Variants in ZFHX4 observed in about 807,000 individuals in gnomAD.
ZFHX4 encodes zinc finger homeobox protein 4.
In ZFHX4, 56 loss-of-function variants were observed where a neutral mutation model predicts 267.6. The ratio of observed to expected loss-of-function variants is 0.21; its 90% CI spans 0.17 to 0.26. The LOEUF is 0.26. Ranked by LOEUF, ZFHX4 falls within the 10% of genes least tolerant of loss-of-function variation. ZFHX4 has a pLI of 1.00. For synonymous variants in ZFHX4, 1,778 were observed against 1,665.6 expected (o/e 1.07, Z -1.64); for missense variants, 4,332 against 4,420.0 (o/e 0.98, Z 0.56).
Position 76,867,056 on chromosome 8 carries a change from A to G in ZFHX4, c.*2491A>G, listed in dbSNP as rs971442181. 1.3e-5 allele frequency: 2 copies of G among 152,650 alleles called. No individual in the cohort carries two copies. Among genetic ancestry groups the G allele is most frequent in the African/African-American group, 2.4e-5 (1 of 41,466 alleles). The allele number at this position is 152,650 out of a possible 1,614,324, so 9.5% of individuals were successfully genotyped here. A position where few individuals can be genotyped will look rare whatever the true frequency, so the allele number is the denominator to read the frequency against. On this transcript the variant is annotated 3_prime_UTR_variant, in exon 11 of 11. Transcript: ENST00000651372. ...AAAATGTTATTGATGTTTTATATATAGAGAGTAGTCTCATTAGTTTTTGTT... is the reference window on the plus strand; with the variant it reads ...AAAATGTTATTGATGTTTTATATATGGAGAGTAGTCTCATTAGTTTTTGTT...
At chr8:76,783,770 T>C (rs1452648821) in intron 4 of ZFHX4, among the ~76,000 whole-genome samples, 1 of 152,034 alleles carries the variant, frequency 6.6e-6, no homozygotes, top group Non-Finnish European at 1.5e-5. Context: ...TAAAACAAAG[T>C]AAATAATGAC....
At chr8:76,697,898 T>TAGC (rs1808000192) in intron 1 of ZFHX4, among the ~76,000 whole-genome samples, 1 of 152,038 alleles carries the variant, frequency 6.6e-6, no homozygotes, top group Non-Finnish European at 1.5e-5. Context: ...TGCTGAAGTA[T>TAGC]GGCTGGGTCA....
intron 3 of ZFHX4, among the ~76,000 whole-genome samples, chr8:76,747,965 CAAAA>C (rs1440901781): frequency 3.4e-5 from 5 of 145,404 alleles, no homozygotes; most frequent in Non-Finnish European, 6.0e-5. Flanking sequence ...AACAAACAAA[CAAAA>C]ATGAATAAAA....
At chr8:76,703,130 C>CA (rs1239254809) in intron 1 of ZFHX4, among the ~76,000 whole-genome samples, 2 of 151,828 alleles carry the variant, frequency 1.3e-5, no homozygotes, top group Admixed American at 6.6e-5. Flanking sequence ...CGCCTGCTTG[C>CA]AAAAAAACTT....
chr8:76,845,112 T>C (rs575951968), intron 6 of ZFHX4, among the ~76,000 whole-genome samples: 1 of 152,236 alleles, frequency 6.6e-6, no homozygotes, highest in African/African-American at 2.4e-5. Context: ...TTAACATATG[T>C]TAGGAAGGCT....
At chr8:76,850,451 A>G (rs759733093) in intron 9 of ZFHX4, 89 bp downstream of exon 9, 206 of 1,103,704 alleles carry the variant, frequency 1.9e-4, no homozygotes, top group Middle Eastern at 4.7e-4. Context: ...CTATCAAAAG[A>G]TTTTCGTAAA....
At chr8:76,848,760 G>C (rs1487832432) in intron 6 of ZFHX4, among the ~76,000 whole-genome samples, 1 of 152,148 alleles carries the variant, frequency 6.6e-6, no homozygotes, top group East Asian at 1.9e-4. Flanking sequence ...AGGCCACCTA[G>C]GGTTATCTAA....
chr8:76,865,883 G>A lies in ZFHX4; in HGVS notation c.*1318G>A, dbSNP rs16939381. ...TTACATACTTTTTTTAACCTGTTTTGTTTTATCATATATGCATTAAAAGTA... is the reference window on the plus strand; with the variant it reads ...TTACATACTTTTTTTAACCTGTTTTATTTTATCATATATGCATTAAAAGTA... On this transcript the variant is annotated 3_prime_UTR_variant, in exon 11 of 11. Coordinates refer to ENST00000651372, the MANE Select transcript of ZFHX4 (RefSeq NM_024721.5). The A allele has an allele frequency of 6.6e-6, 1 of 152,192 alleles. No homozygotes were observed. The highest frequency in any genetic ancestry group is 2.4e-5 in the African/African-American group (1 of 41,222). 9.4% of individuals were successfully genotyped at this position (152,192 alleles called of 1,614,324 possible).
At position 76,848,879 on chromosome 8, in the gene ZFHX4, G is replaced by C. The variant is rs1487352945; in HGVS notation, c.3512-116G>C. On this transcript the variant is annotated intron_variant, in intron 6 of 10. Transcript: ENST00000651372. Reference sequence around the variant, plus strand: ...GAGATTAGCATTATTTAAAATGCTTGTCGGTTCTTTTTGTGATTCAGTGTG... The same window carrying C: ...GAGATTAGCATTATTTAAAATGCTTCTCGGTTCTTTTTGTGATTCAGTGTG... 3.0e-6 allele frequency: 3 copies of C among 988,462 alleles called. No individual in the cohort carries two copies. In the African/African-American group the frequency reaches 5.1e-5, roughly 17 times the overall value. 61.2% of individuals were successfully genotyped at this position (988,462 alleles called of 1,614,324 possible).
At chr8:76,699,414 G>T (rs1319431673) in intron 1 of ZFHX4, among the ~76,000 whole-genome samples, 1 of 152,040 alleles carries the variant, frequency 6.6e-6, no homozygotes, top group Non-Finnish European at 1.5e-5. Flanking sequence ...AATCTTTCAT[G>T]AAATACTCCA....
In ZFHX4 at chr8:76,856,120, A is replaced by G; in HGVS notation, c.9199A>G (p.Ile3067Val). 6.2e-7 allele frequency: 1 copy of G among 1,613,978 alleles called. No homozygotes were observed. The highest frequency in any genetic ancestry group is 8.5e-7 in the Non-Finnish European group (1 of 1,179,858). The change falls in exon 10 of 11, where the codon ATA becomes GTA. Residue 3067 changes from isoleucine (I) to valine (V), a missense_variant. This residue lies in a region of ZFHX4 where 1,648 missense variants were observed against 1,625.0 expected (regional missense o/e 1.01). Transcript: ENST00000651372. ...QLMAQQELDRIKKASDVLGLT... is the reference protein window; with the variant it reads ...QLMAQQELDRVKKASDVLGLT... ...GATGGCACAGCAAGAACTTGATCGT[A>G]TAAAGAAAGCTTCAGACGTGCTGGG...
At position 76,705,665 on chromosome 8, in the gene ZFHX4, C is replaced by T; in HGVS notation, c.1577C>T (p.Ser526Leu). The T allele has an allele frequency of 6.2e-7, 1 of 1,613,942 alleles. No individual in the cohort carries two copies. Among genetic ancestry groups the T allele is most frequent in the South Asian group, 1.1e-5 (1 of 91,080 alleles). ...KFIEKGTSSS[S>L]ATVSDDTEKK... ...ATTGAAAAGGGTACCTCGTCCTCCTCGGCGACTGTTTCTGATGACACAGAA... is the reference window on the plus strand; with the variant it reads ...ATTGAAAAGGGTACCTCGTCCTCCTTGGCGACTGTTTCTGATGACACAGAA... The change falls in exon 2 of 11, where the codon TCG (serine) becomes TTG (leucine). Residue 526 changes from serine (S) to leucine (L), a missense_variant. Physicochemically the swap from Ser to Leu is moderately radical, Grantham distance 145 (BLOSUM62 -2). This residue lies in a region of ZFHX4 where 1,195 missense variants were observed against 1,173.6 expected (regional missense o/e 1.02). Coordinates refer to ENST00000651372, the MANE Select transcript of ZFHX4 (RefSeq NM_024721.5).
At chr8:76,740,842 C>A (rs1044177475) in intron 3 of ZFHX4, among the ~76,000 whole-genome samples, 2 of 152,094 alleles carry the variant, frequency 1.3e-5, no homozygotes, top group East Asian at 3.9e-4. Context: ...GGAAAAGGAG[C>A]AATGAGTACA....
chr8:76,743,409 C>T (rs1809373448), intron 3 of ZFHX4, among the ~76,000 whole-genome samples: 1 of 152,192 alleles, frequency 6.6e-6, no homozygotes, highest in Admixed American at 6.5e-5. Flanking sequence ...TGAGACAATT[C>T]TGCTTTGCAT....
chr8:76,832,659 T>G (rs578239047), intron 4 of ZFHX4, among the ~76,000 whole-genome samples: 1 of 152,268 alleles, frequency 6.6e-6, no homozygotes, highest in African/African-American at 2.4e-5. Context: ...GAATGAGATG[T>G]CGAAGGAAAT....
At chr8:76,846,338 C>A (rs1288605050) in intron 6 of ZFHX4, among the ~76,000 whole-genome samples, 1 of 152,032 alleles carries the variant, frequency 6.6e-6, no homozygotes, top group Non-Finnish European at 1.5e-5. Flanking sequence ...ACGTACCTAG[C>A]TAATGTTAGA....
chr8:76,754,321 C>A (rs911302573), intron 3 of ZFHX4, among the ~76,000 whole-genome samples: 2 of 152,026 alleles, frequency 1.3e-5, no homozygotes, highest in African/African-American at 4.8e-5. Context: ...AACCCTGTCT[C>A]TACCAAAAAA....
intron 5 of ZFHX4, among the ~76,000 whole-genome samples, chr8:76,841,507 G>A (rs1478718594): frequency 1.3e-5 from 2 of 152,094 alleles, no homozygotes; most frequent in South Asian, 2.1e-4. Context: ...GTTTTGTATG[G>A]TTATTGAAGG....
chr8:76,690,198 C>T (rs1807789257), intron 1 of ZFHX4, among the ~76,000 whole-genome samples: 1 of 152,018 alleles, frequency 6.6e-6, no homozygotes, highest in African/African-American at 2.4e-5. Context: ...AGAAATCACT[C>T]TGCAAATATT....
Sources: gnomAD v4.1 joint callset for allele counts (sites outside exome capture counted in the v4.1 genomes callset) on GRCh38, gnomAD v4.1.1 for gene constraint, gnomAD v4.1.1 regional missense constraint, MANE v1.5 for transcripts, NCBI Gene and HGNC (gene_info 2026-07-23, HGNC 2026-07-21) for gene names.